INSYN2B: variants seen among roughly 807,000 people sequenced by gnomAD.
INSYN2B encodes inhibitory synaptic factor family member 2B, also known as protein INSYN2B.
A neutral mutation model predicts 41.2 loss-of-function variants in INSYN2B; 16 were observed. The observed-to-expected ratio is 0.39, with a 90% confidence interval of 0.26 to 0.59. The LOEUF is 0.59. INSYN2B is among the 20% of genes least tolerant of loss of function. INSYN2B has a pLI of 0.57. For missense variants in INSYN2B, 608 were observed against 646.4 expected (o/e 0.94, Z 0.64); for synonymous variants, 245 against 244.4 (o/e 1.00, Z -0.02).
chr5:169,888,299 CA>C (rs1773091760), intron 1 of INSYN2B, among the ~76,000 whole-genome samples: 2 of 152,172 alleles, frequency 1.3e-5, no homozygotes, highest in African/African-American at 4.8e-5. Context: ...TTTCCCTAGG[CA>C]TTGGTGGTTA....
intron 3 of INSYN2B, among the ~76,000 whole-genome samples, chr5:169,866,589 C>T (rs2113434308): frequency 6.6e-6 from 1 of 152,286 alleles, no homozygotes; most frequent in Admixed American, 6.5e-5. Context: ...GAATGGTAGG[C>T]AGACAATCTC....
intron 1 of INSYN2B, among the ~76,000 whole-genome samples, chr5:169,966,123 T>C (rs896386570): frequency 1.3e-5 from 2 of 152,234 alleles, no homozygotes; most frequent in African/African-American, 4.8e-5. Flanking sequence ...TGTAAGGCCT[T>C]TAAAATTCCA....
chr5:169,968,561 A>G (rs1777383777), intron 1 of INSYN2B, among the ~76,000 whole-genome samples: 1 of 152,200 alleles, frequency 6.6e-6, no homozygotes, highest in Non-Finnish European at 1.5e-5. Flanking sequence ...CATGGTAAAT[A>G]TCCCTATGGA....
intron 1 of INSYN2B, among the ~76,000 whole-genome samples, chr5:169,913,582 A>G (rs554744540): frequency 8.5e-5 from 13 of 152,334 alleles, no homozygotes; most frequent in African/African-American, 2.2e-4. Context: ...AAAAATAAAC[A>G]TATTGAAATT....
chr5:169,866,199 G>C (rs995810598), intron 3 of INSYN2B, among the ~76,000 whole-genome samples: 2 of 152,210 alleles, frequency 1.3e-5, no homozygotes, highest in Non-Finnish European at 2.9e-5. Context: ...ATCCAGGCTT[G>C]CTTCTCCTCC....
In INSYN2B at chr5:169,967,034, G is replaced by A. The variant is rs144802861; in HGVS notation, c.-919+13243C>T. ...ATATCCATTCATTGAGCAATTAATG[G>A]TGAAGTACCTCCTATGTGCCAGGCA... On this transcript the variant is annotated intron_variant, in intron 1 of 3. Coordinates refer to ENST00000377365, the MANE Select transcript of INSYN2B (RefSeq NM_001129891.3). 5.7e-4 allele frequency among the ~76,000 whole-genome samples: 87 copies of A among 152,340 alleles called. 1 individual carries two copies. In the East Asian group the frequency reaches 0.013, roughly 22 times the overall value.
At chr5:169,882,005 G>A (rs959445912) in intron 2 of INSYN2B, among the ~76,000 whole-genome samples, 1 of 152,098 alleles carries the variant, frequency 6.6e-6, no homozygotes, top group Non-Finnish European at 1.5e-5. Flanking sequence ...TCTCTTTGCC[G>A]AAAATGAATT....
chr5:169,939,542 C>T (rs1776145072), intron 1 of INSYN2B, among the ~76,000 whole-genome samples: 1 of 151,758 alleles, frequency 6.6e-6, no homozygotes, highest in South Asian at 2.1e-4. Flanking sequence ...CAATTATGTG[C>T]TGTATGTAAT....
chr5:169,939,072 T>G (rs951599712), intron 1 of INSYN2B, among the ~76,000 whole-genome samples: 1 of 151,858 alleles, frequency 6.6e-6, no homozygotes, highest in Admixed American at 6.6e-5. Flanking sequence ...CCCTGCTAAT[T>G]TTTTTGTATT....
chr5:169,881,631 G>A (rs527861936), intron 2 of INSYN2B, among the ~76,000 whole-genome samples, 189 bp from the exon 3 acceptor site: 4 of 152,182 alleles, frequency 2.6e-5, no homozygotes, highest in Admixed American at 6.5e-5. Context: ...GGCTTTATAC[G>A]TGTTAAAGAT....
At chr5:169,881,718 A>G (rs960977922) in intron 2 of INSYN2B, among the ~76,000 whole-genome samples, 4 of 152,238 alleles carry the variant, frequency 2.6e-5, no homozygotes, top group Middle Eastern at 3.4e-3. Context: ...AGTGGAAGGG[A>G]GGTTATTAAA....
At chr5:169,940,724 G>T (rs1485215814) in intron 1 of INSYN2B, among the ~76,000 whole-genome samples, 5 of 152,192 alleles carry the variant, frequency 3.3e-5, no homozygotes, top group Non-Finnish European at 7.3e-5. Flanking sequence ...TCTGACAGGA[G>T]GGGGAGCTCA....
chr5:169,959,975 G>A (rs1777019936), intron 1 of INSYN2B, among the ~76,000 whole-genome samples: 1 of 152,206 alleles, frequency 6.6e-6, no homozygotes, highest in South Asian at 2.1e-4. Flanking sequence ...GAGTAAATAG[G>A]TTAAATTAAA....
chr5:169,945,898 G>A (rs1429593380), intron 1 of INSYN2B, among the ~76,000 whole-genome samples: 1 of 152,114 alleles, frequency 6.6e-6, no homozygotes, highest in Admixed American at 6.5e-5. Context: ...ATATTGATGT[G>A]GCTCTTTTCC....
In INSYN2B at chr5:169,980,058, G is replaced by A. The variant is rs115619274; in HGVS notation, c.-919+219C>T. Among the ~76,000 whole-genome samples, 319 of 152,160 alleles carry A rather than the reference G, an allele frequency of 2.1e-3. 3 individuals carry two copies. The highest frequency in any genetic ancestry group is 7.4e-3 in the African/African-American group (307 of 41,488). On this transcript the variant is annotated intron_variant, in intron 1 of 3. Coordinates refer to ENST00000377365, the MANE Select transcript of INSYN2B (RefSeq NM_001129891.3). Reference sequence around the variant, plus strand: ...CCTTCAAATTCAAATCAAGCCATTTGAAATAACAAGCATTCCATATCCATG... The same window carrying A: ...CCTTCAAATTCAAATCAAGCCATTTAAAATAACAAGCATTCCATATCCATG...
At chr5:169,906,984 C>T (rs1430467632) in intron 1 of INSYN2B, among the ~76,000 whole-genome samples, 1 of 152,126 alleles carries the variant, frequency 6.6e-6, no homozygotes, top group Non-Finnish European at 1.5e-5. Flanking sequence ...AGGCACTGTC[C>T]TAGGGACTGG....
intron 1 of INSYN2B, among the ~76,000 whole-genome samples, chr5:169,898,254 G>T (rs59172840): frequency 0.025 from 3,812 of 152,246 alleles, 154 homozygotes; most frequent in African/African-American, 0.081. Flanking sequence ...GGCTGCCATG[G>T]TCTCCTTTCT....
intron 1 of INSYN2B, among the ~76,000 whole-genome samples, chr5:169,936,578 C>CTTTTT (rs4041977): frequency 1.5e-4 from 19 of 122,810 alleles, no homozygotes; most frequent in African/African-American, 5.1e-4. Context: ...TCTCAGACTC[C>CTTTTT]TTTTTTTTTT....
At chr5:169,866,493 T>C (rs1213120204) in intron 3 of INSYN2B, among the ~76,000 whole-genome samples, 1 of 152,026 alleles carries the variant, frequency 6.6e-6, no homozygotes, top group African/African-American at 2.4e-5. Flanking sequence ...CAGCATAGAG[T>C]AGGCACCAAG....
Sources: gnomAD v4.1 joint callset for allele counts (sites outside exome capture counted in the v4.1 genomes callset) on GRCh38, gnomAD v4.1.1 for gene constraint, MANE v1.5 for transcripts, NCBI Gene and HGNC (gene_info 2026-07-23, HGNC 2026-07-21) for gene names.